The following TMEM132D variants were observed in gnomAD, a reference collection of about 807,000 sequenced individuals.
TMEM132D encodes the protein transmembrane protein 132D.
A neutral mutation model predicts 62.3 loss-of-function variants in TMEM132D; 21 were observed. The ratio of observed to expected loss-of-function variants is 0.34; its 90% CI spans 0.24 to 0.49. The LOEUF is 0.49. Among genes scored for constraint, TMEM132D ranks in the 20% least tolerant of loss-of-function variants. The pLI is 0.99. For synonymous variants in TMEM132D, 621 were observed against 575.6 expected, an observed-to-expected ratio of 1.08 and a Z score of -1.13; for missense variants, 1,346 against 1,402.8, an observed-to-expected ratio of 0.96 and a Z score of 0.65.
intron 4 of TMEM132D, among the ~76,000 whole-genome samples, chr12:129,243,707 G>C (rs1191173539): frequency 6.6e-6 from 1 of 152,118 alleles, no homozygotes; most frequent in East Asian, 1.9e-4. Context: ...TTCTTGTAAA[G>C]GCGAATTTAA....
At chr12:129,864,676 A>G (rs1874003283) in intron 1 of TMEM132D, among the ~76,000 whole-genome samples, 1 of 152,230 alleles carries the variant, frequency 6.6e-6, no homozygotes, top group Admixed American at 6.5e-5. Flanking sequence ...TCCCTGGATC[A>G]AGCTACGCCT....
At chr12:129,137,725 G>A (rs1161179225) in intron 5 of TMEM132D, among the ~76,000 whole-genome samples, 1 of 152,052 alleles carries the variant, frequency 6.6e-6, no homozygotes, top group African/African-American at 2.4e-5. Flanking sequence ...GTAGATCTGT[G>A]GCTGGAGGCA....
At chr12:129,834,614 C>T (rs1872943689) in intron 1 of TMEM132D, among the ~76,000 whole-genome samples, 1 of 152,142 alleles carries the variant, frequency 6.6e-6, no homozygotes, top group Non-Finnish European at 1.5e-5. Flanking sequence ...TGTTCTGGTC[C>T]CTGGGCAGTG....
At chr12:129,392,818 G>A (rs1388610284) in intron 3 of TMEM132D, among the ~76,000 whole-genome samples, 2 of 152,140 alleles carry the variant, frequency 1.3e-5, no homozygotes, top group East Asian at 1.9e-4. Context: ...TGGCAAACTC[G>A]AATGTCTACA....
chr12:129,793,635 G>A (rs1871467613), intron 1 of TMEM132D, among the ~76,000 whole-genome samples: 1 of 152,226 alleles, frequency 6.6e-6, no homozygotes, highest in South Asian at 2.1e-4. Context: ...CAAAGTGTTG[G>A]GATGACAGGC....
At chr12:129,368,767 C>CA (rs112029120) in intron 3 of TMEM132D, among the ~76,000 whole-genome samples, 10,851 of 132,998 alleles carry the variant, frequency 0.082, 575 homozygotes, top group East Asian at 0.22. Flanking sequence ...ACCTTTCCAC[C>CA]AAAAAAAAAA....
Position 129,096,327 on chromosome 12 carries a change from A to G in TMEM132D, c.1444-11625T>C, listed in dbSNP as rs114242228. 6.8e-3 allele frequency among the ~76,000 whole-genome samples: 1,038 copies of G among 151,924 alleles called. 8 individuals carry two copies. The highest frequency in any genetic ancestry group is 0.023 in the African/African-American group (971 of 41,418). On this transcript the variant is annotated intron_variant, in intron 5 of 8. Coordinates refer to ENST00000422113, the MANE Select transcript of TMEM132D (RefSeq NM_133448.3). ...CAGTGGGATCGTGAGGTCTCTGGGGAGCAGAGGCTGAGACAGAAGGTCCAT... is the reference window on the plus strand; with the variant it reads ...CAGTGGGATCGTGAGGTCTCTGGGGGGCAGAGGCTGAGACAGAAGGTCCAT...
chr12:129,480,617 A>G (rs1207900526), intron 3 of TMEM132D, among the ~76,000 whole-genome samples: 1 of 152,184 alleles, frequency 6.6e-6, no homozygotes, highest in Non-Finnish European at 1.5e-5. Flanking sequence ...TCTGAGTCAT[A>G]CCTTCTTTGA....
rs1417918977 is a variant in TMEM132D at position 129,277,843 on chromosome 12, C to G, written c.1299+59791G>C. Among the ~76,000 whole-genome samples, 1 of 152,116 alleles carries G rather than the reference C, an allele frequency of 6.6e-6. No individual in the cohort carries two copies. Among genetic ancestry groups the G allele is most frequent in the East Asian group, 1.9e-4 (1 of 5,182 alleles). ...GAAAATACTGACCCAGAGGATGGAT[C>G]CTTAGGCTTAAGAACTCCCTGGTTC... On this transcript the variant is annotated intron_variant, in intron 4 of 8. Transcript: ENST00000422113. The surrounding 1 kb of genome is among the most constrained non-coding windows in gnomAD (Gnocchi z 4.2).
At chr12:129,252,225 A>G (rs1880286975) in intron 4 of TMEM132D, among the ~76,000 whole-genome samples, 1 of 152,202 alleles carries the variant, frequency 6.6e-6, no homozygotes, top group Non-Finnish European at 1.5e-5. Context: ...TGGAGCTGGG[A>G]CATAAACATA....
At chr12:129,098,499 G>T (rs76215658) in intron 5 of TMEM132D, among the ~76,000 whole-genome samples, 3,048 of 152,220 alleles carry the variant, frequency 0.02, 109 homozygotes, top group African/African-American at 0.07. Context: ...TCTCTACCAA[G>T]AAATGAGTCT....
intron 4 of TMEM132D, among the ~76,000 whole-genome samples, chr12:129,313,098 T>C (rs893481087): frequency 6.6e-6 from 1 of 152,146 alleles, no homozygotes; most frequent in East Asian, 1.9e-4. Context: ...AAATGCTTAC[T>C]AGAGAGCCAA....
intron 5 of TMEM132D, among the ~76,000 whole-genome samples, chr12:129,099,648 T>C (rs1313086726): frequency 1.3e-5 from 2 of 152,178 alleles, no homozygotes; most frequent in African/African-American, 4.8e-5. Flanking sequence ...CAGACGGCTC[T>C]ATGCAGTCTG....
At chr12:129,571,076 C>T (rs1010129204) in intron 2 of TMEM132D, among the ~76,000 whole-genome samples, 4 of 152,126 alleles carry the variant, frequency 2.6e-5, no homozygotes, top group African/African-American at 9.7e-5. Flanking sequence ...TAATTCTATG[C>T]CATCTGAATG....
At chr12:129,528,709 T>G (rs986362850) in intron 3 of TMEM132D, among the ~76,000 whole-genome samples, 4 of 152,270 alleles carry the variant, frequency 2.6e-5, no homozygotes, top group Non-Finnish European at 5.9e-5. Flanking sequence ...TCATAATACA[T>G]ACATACCAGA....
chr12:129,493,339 A>G (rs1370568523), intron 3 of TMEM132D, among the ~76,000 whole-genome samples: 1 of 152,206 alleles, frequency 6.6e-6, no homozygotes, highest in Non-Finnish European at 1.5e-5. Context: ...CATTTCTGAG[A>G]CACTTGCTAC....
intron 3 of TMEM132D, chr12:129,522,739 A>G (rs1282150641): frequency 8.3e-6 from 1 of 120,806 alleles, no homozygotes; most frequent in East Asian, 2.4e-4. Flanking sequence ...GCAAATGTTC[A>G]TGATCCTTAA....
intron 2 of TMEM132D, among the ~76,000 whole-genome samples, chr12:129,649,670 G>T (rs1879869954): frequency 6.6e-6 from 1 of 151,760 alleles, no homozygotes; most frequent in Non-Finnish European, 1.5e-5. Context: ...ACAACCTATA[G>T]AATATACTGT....
intron 5 of TMEM132D, among the ~76,000 whole-genome samples, chr12:129,198,983 A>G (rs1878617914): frequency 6.6e-6 from 1 of 151,928 alleles, no homozygotes; most frequent in South Asian, 2.1e-4. Context: ...AAAAATATCT[A>G]TTTCATGGGG....
Sources: allele counts gnomAD v4.1 joint callset (sites outside exome capture counted in the v4.1 genomes callset), GRCh38; gene constraint gnomAD v4.1.1; non-coding constraint Gnocchi (gnomAD v3.1); transcripts MANE v1.5; gene names NCBI Gene and HGNC (gene_info 2026-07-23, HGNC 2026-07-21).